The following CADPS variants were observed in gnomAD, a reference collection of about 807,000 sequenced individuals.
CADPS encodes calcium dependent secretion activator.
Under a neutral mutation model 167.3 loss-of-function variants are expected in CADPS, and 57 were observed. The observed-to-expected ratio is 0.34, with a 90% confidence interval of 0.28 to 0.42. The LOEUF (loss-of-function observed/expected upper bound fraction) is 0.42, where lower values mean the gene tolerates loss of function less well. Ranked by LOEUF, CADPS falls within the 20% of genes least tolerant of loss-of-function variation. The pLI, the probability that CADPS is intolerant of heterozygous loss-of-function variation, is 1.00. For synonymous variants in CADPS, 676 were observed against 635.3 expected, an observed-to-expected ratio of 1.06 and a Z score of -0.96; for missense variants, 1,414 against 1,738.1, an observed-to-expected ratio of 0.81 and a Z score of 3.32.
chr3:62,599,682 TATATAA>T, intron 6 of CADPS, among the ~76,000 whole-genome samples: 14 of 44,558 alleles, frequency 3.1e-4, no homozygotes, highest in African/African-American at 1.4e-3. Context: ...TATACAATAT[TATATAA>T]TATTATAATA....
intron 7 of CADPS, among the ~76,000 whole-genome samples, chr3:62,586,397 A>G (rs770117191): frequency 3.9e-5 from 6 of 152,072 alleles, no homozygotes; most frequent in Non-Finnish European, 5.9e-5. Context: ...TAGATGCTGT[A>G]TCAGCTTCAC....
chr3:62,457,895 C>T (rs2058882482), intron 26 of CADPS, among the ~76,000 whole-genome samples: 1 of 151,994 alleles, frequency 6.6e-6, no homozygotes, highest in Non-Finnish European at 1.5e-5. Flanking sequence ...AACACATGGA[C>T]ACAGGGAGGG....
At chr3:62,798,434 C>T (rs2093575818) in intron 1 of CADPS, among the ~76,000 whole-genome samples, 1 of 152,114 alleles carries the variant, frequency 6.6e-6, no homozygotes. Flanking sequence ...GGGCTTACAC[C>T]AGTGAAGCCT....
intron 3 of CADPS, among the ~76,000 whole-genome samples, chr3:62,749,227 C>T (rs746353469): frequency 2.6e-5 from 4 of 152,216 alleles, no homozygotes; most frequent in Non-Finnish European, 4.4e-5. Context: ...GTTAAACTCT[C>T]TTGCTTTTCT....
At chr3:62,697,751 C>T (rs2080606235) in intron 3 of CADPS, among the ~76,000 whole-genome samples, 1 of 152,146 alleles carries the variant, frequency 6.6e-6, no homozygotes, top group Non-Finnish European at 1.5e-5. Flanking sequence ...CTTTTCACCA[C>T]ATCCATGCCA....
chr3:62,624,935 A>G (rs2063782480), intron 6 of CADPS, among the ~76,000 whole-genome samples: 1 of 151,430 alleles, frequency 6.6e-6, no homozygotes. Flanking sequence ...GGACGAGCCA[A>G]TCATTGCCTC....
intron 1 of CADPS, among the ~76,000 whole-genome samples, chr3:62,855,875 G>C (rs1464093084): frequency 6.6e-6 from 1 of 152,052 alleles, no homozygotes; most frequent in Non-Finnish European, 1.5e-5. Flanking sequence ...AACTCCTTTA[G>C]ATTTTTATAC....
chr3:62,646,022 T>C (rs535833904), intron 5 of CADPS, among the ~76,000 whole-genome samples, 179 bp from the exon 6 acceptor site: 19 of 152,218 alleles, frequency 1.2e-4, no homozygotes, highest in Non-Finnish European at 2.4e-4. Flanking sequence ...CCTCATAGTG[T>C]AGCTGATTGC....
rs1166908973 is a variant in CADPS, at chr3:62,478,049, G to A, written c.3329+212C>T. ...TAAAGCCAACAACCATGAAAAAATT[G>A]GCAGCCAGATTATTTTGGGTTTGGG... On this transcript the variant is annotated intron_variant, in intron 23 of 29. Coordinates refer to ENST00000383710, the MANE Select transcript of CADPS (RefSeq NM_003716.4). The surrounding 1 kb of genome is among the most constrained non-coding windows in gnomAD (Gnocchi z 5.7). The A allele has an allele frequency of 3.8e-6, 2 of 520,338 alleles. No homozygotes were observed. Among genetic ancestry groups the A allele is most frequent in the East Asian group, 5.9e-5 (2 of 33,818 alleles). 32.2% of individuals were successfully genotyped at this position (520,338 alleles called of 1,614,324 possible).
intron 1 of CADPS, among the ~76,000 whole-genome samples, chr3:62,852,801 T>A (rs1489795603): frequency 6.6e-6 from 1 of 152,184 alleles, no homozygotes; most frequent in East Asian, 1.9e-4. Flanking sequence ...TTTGCTTTTT[T>A]CTTCTGACAT....
rs11353455 is a variant in CADPS at position 62,417,276 on chromosome 3, C to CTTTTTTTT, written c.3778-14099_3778-14092dup. On this transcript the variant is annotated intron_variant, in intron 28 of 29. Transcript: ENST00000383710. ...ACACAATAACTATTTTTCTTTTACTCTTTTTTTTTTTTTTTTTTTTTTTTT... is the reference window on the plus strand; with the variant it reads ...ACACAATAACTATTTTTCTTTTACTCTTTTTTTTTTTTTTTTTTTTTTTTTTTTTTTTT... Among the ~76,000 whole-genome samples the CTTTTTTTT allele has an allele frequency of 9.8e-3, 625 of 64,052 alleles. 133 individuals are homozygous for CTTTTTTTT. The highest frequency in any genetic ancestry group is 0.019 in the Middle Eastern group (2 of 108). The allele number at this position is 64,052 out of a possible 152,430, so 42.0% of individuals were successfully genotyped here.
At chr3:62,788,507 G>A (rs918625773) in intron 1 of CADPS, among the ~76,000 whole-genome samples, 4 of 152,228 alleles carry the variant, frequency 2.6e-5, no homozygotes, top group African/African-American at 9.6e-5. Flanking sequence ...CAAGATCCAC[G>A]CCTTCAATCC....
At chr3:62,538,975 A>G (rs17066545) in intron 11 of CADPS, among the ~76,000 whole-genome samples, 4,565 of 152,272 alleles carry the variant, frequency 0.03, 92 homozygotes, top group Middle Eastern at 0.085. Context: ...AGTCTAAAGA[A>G]CAATTTCATT....
intron 6 of CADPS, among the ~76,000 whole-genome samples, chr3:62,633,089 C>T (rs2065608012): frequency 6.6e-6 from 1 of 151,966 alleles, no homozygotes; most frequent in African/African-American, 2.4e-5. Context: ...ATTGCAAACT[C>T]CGGAGAGAAG....
intron 1 of CADPS, among the ~76,000 whole-genome samples, chr3:62,815,152 G>A (rs2094555364): frequency 6.6e-6 from 1 of 152,104 alleles, no homozygotes; most frequent in Admixed American, 6.6e-5. Flanking sequence ...AACAAGGTAA[G>A]TTCAAGATTA....
At chr3:62,590,593 G>A (rs1200872654) in intron 7 of CADPS, among the ~76,000 whole-genome samples, 1 of 151,978 alleles carries the variant, frequency 6.6e-6, no homozygotes, top group Non-Finnish European at 1.5e-5. Context: ...GCAGTAATAT[G>A]ACTCCAGGTT....
At chr3:62,597,153 G>A (rs2059048031) in intron 6 of CADPS, among the ~76,000 whole-genome samples, 1 of 152,056 alleles carries the variant, frequency 6.6e-6, no homozygotes, top group Non-Finnish European at 1.5e-5. Context: ...AACATAGAAA[G>A]ACCCAGGCTT....
intron 13 of CADPS, among the ~76,000 whole-genome samples, chr3:62,523,428 T>G (rs965539594): frequency 6.6e-6 from 1 of 152,218 alleles, no homozygotes; most frequent in Non-Finnish European, 1.5e-5. Flanking sequence ...GTGAAATGAA[T>G]TTACCTCTTT....
intron 13 of CADPS, chr3:62,530,588 G>C: frequency 1.0e-6 from 1 of 998,560 alleles, no homozygotes. Flanking sequence ...GTGATGGCAT[G>C]GATGGAGGCT....
Sources: gnomAD v4.1 joint callset for allele counts (sites outside exome capture counted in the v4.1 genomes callset) on GRCh38, gnomAD v4.1.1 for gene constraint, Gnocchi (gnomAD v3.1) non-coding constraint, MANE v1.5 for transcripts, NCBI Gene and HGNC (gene_info 2026-07-23, HGNC 2026-07-21) for gene names.